HSPA4: variants seen among roughly 807,000 people sequenced by gnomAD.
HSPA4 encodes the protein heat shock protein family A (Hsp70) member 4.
Under a neutral mutation model 106.2 loss-of-function variants are expected in HSPA4, and 25 were observed. The ratio of observed to expected loss-of-function variants is 0.24; its 90% confidence interval spans 0.17 to 0.33. The LOEUF (loss-of-function observed/expected upper bound fraction) is 0.33. Ranked by LOEUF, HSPA4 falls within the 10% of genes least tolerant of loss-of-function variation. The pLI, the probability that HSPA4 is intolerant of heterozygous loss-of-function variation, is 1.00. For synonymous variants in HSPA4, 332 were observed against 333.6 expected (o/e 1.00, Z 0.05); for missense variants, 841 against 996.0 (o/e 0.84, Z 2.10).
intron 16 of HSPA4, among the ~76,000 whole-genome samples, chr5:133,101,118 A>T (rs1050807359): frequency 1.3e-5 from 2 of 152,202 alleles, no homozygotes; most frequent in African/African-American, 4.8e-5. Flanking sequence ...GCACATCTTA[A>T]TATCACTGTT....
At chr5:133,078,745 T>C (rs955998330) in intron 7 of HSPA4, among the ~76,000 whole-genome samples, 1 of 152,062 alleles carries the variant, frequency 6.6e-6, no homozygotes, top group Non-Finnish European at 1.5e-5. Context: ...GTTGTTGTTA[T>C]TTTTTTGAGA....
chr5:133,078,688 TA>T (rs1276430896), intron 7 of HSPA4, among the ~76,000 whole-genome samples: 1 of 151,600 alleles, frequency 6.6e-6, no homozygotes, highest in Non-Finnish European at 1.5e-5. Context: ...TCAGAATACG[TA>T]GCTCTTATAT....
chr5:133,061,821 A>G (rs901325951), intron 1 of HSPA4, among the ~76,000 whole-genome samples: 3 of 152,112 alleles, frequency 2.0e-5, no homozygotes, highest in Admixed American at 2.0e-4. Context: ...TTTAGTAGAG[A>G]CAGAGTTTCG....
At position 133,065,014 on chromosome 5, in the gene HSPA4, A is replaced by G. The variant is rs1765290298; in HGVS notation, c.142A>G (p.Ile48Val). ...CISFGPKNRS[I>V]GAAAKSQVIS... Reference sequence around the variant, plus strand: ...TTCTTTTGGTCCTAAGAATCGTTCAATTGGAGCAGCAGCTAAAAGCCAGGT... The same window carrying G: ...TTCTTTTGGTCCTAAGAATCGTTCAGTTGGAGCAGCAGCTAAAAGCCAGGT... Residue 48 changes from isoleucine to valine, a missense_variant, in exon 2 of 19, where the codon ATT (isoleucine) becomes GTT (valine). Around this residue, in one of 5 missense-constraint regions of HSPA4, gnomAD observed 347 missense variants for 408.7 expected, o/e 0.85. Transcript: ENST00000304858. 3.7e-6 allele frequency: 6 copies of G among 1,614,094 alleles called. No homozygotes were observed. The highest frequency in any genetic ancestry group is 1.7e-4 in the Middle Eastern group (1 of 6,060).
At chr5:133,099,827 T>C (rs992080402) in intron 16 of HSPA4, among the ~76,000 whole-genome samples, 175 bp downstream of exon 16, 6 of 152,182 alleles carry the variant, frequency 3.9e-5, no homozygotes, top group African/African-American at 7.2e-5. Context: ...AACCTTGTAA[T>C]AACAAAATGA....
chr5:133,085,564 G>A (rs1315826793), intron 7 of HSPA4, among the ~76,000 whole-genome samples: 1 of 151,736 alleles, frequency 6.6e-6, no homozygotes, highest in Non-Finnish European at 1.5e-5. Context: ...GGAGGCTGAG[G>A]CAGGAGAATT....
rs202213017 is a variant in HSPA4, at chr5:133,102,009, C to G, written c.2157+131C>G. On this transcript the variant is annotated intron_variant, in intron 17 of 18. Coordinates refer to ENST00000304858, the MANE Select transcript of HSPA4 (RefSeq NM_002154.4). Reference sequence around the variant, plus strand: ...TGGTACAATCTCGGCTCAGTGCAACCTCCACCTCCTGGGTTTAAGCAATTC... The same window carrying G: ...TGGTACAATCTCGGCTCAGTGCAACGTCCACCTCCTGGGTTTAAGCAATTC... The G allele has an allele frequency of 1.7e-4, 98 of 573,238 alleles. 1 individual carries two copies. The East Asian group carries it at 3.0e-3, about 17-fold the overall frequency. The allele number at this position is 573,238 out of a possible 1,614,324, so 35.5% of individuals were successfully genotyped here. A position where few individuals can be genotyped will look rare whatever the true frequency, so the allele number is the denominator to read the frequency against.
intron 5 of HSPA4, among the ~76,000 whole-genome samples, chr5:133,073,743 G>A (rs1016263819): frequency 1.3e-5 from 2 of 152,152 alleles, no homozygotes; most frequent in Non-Finnish European, 2.9e-5. Flanking sequence ...GGAAAATGGG[G>A]GAAATGGCTT....
At chr5:133,072,737 A>ATG in intron 4 of HSPA4, among the ~76,000 whole-genome samples, 1 of 152,006 alleles carries the variant, frequency 6.6e-6, no homozygotes, top group Admixed American at 6.6e-5. Flanking sequence ...GGTCTGTCAC[A>ATG]TTGGTACCCT....
chr5:133,057,968 C>T (rs921531540), intron 1 of HSPA4, among the ~76,000 whole-genome samples: 4 of 152,120 alleles, frequency 2.6e-5, no homozygotes, highest in African/African-American at 9.7e-5. Flanking sequence ...ACCTAAAATA[C>T]CATGTTCAAA....
chr5:133,093,576 C>T (rs1468930679), intron 13 of HSPA4, among the ~76,000 whole-genome samples: 3 of 152,150 alleles, frequency 2.0e-5, no homozygotes, highest in East Asian at 2.0e-4. Context: ...CTGCAGCCCC[C>T]GCCTTCCAGG....
chr5:133,079,144 A>G (rs1186331509), intron 7 of HSPA4, among the ~76,000 whole-genome samples: 1 of 152,234 alleles, frequency 6.6e-6, no homozygotes, highest in Admixed American at 6.5e-5. Flanking sequence ...CTTGAGGTGA[A>G]ATTCAAGTAT....
chr5:133,053,391 G>C (rs977905526), intron 1 of HSPA4, among the ~76,000 whole-genome samples: 1 of 149,214 alleles, frequency 6.7e-6, no homozygotes, highest in Admixed American at 6.7e-5. Context: ...GCCCAGGCTG[G>C]AGTGCAGTGG....
chr5:133,092,806 GTTTTTTTTTTTTTTTT>G lies in HSPA4; in HGVS notation c.1650+34_1650+49del, dbSNP rs57230598. On this transcript the variant is annotated intron_variant, in intron 13 of 18. Coordinates refer to ENST00000304858, the MANE Select transcript of HSPA4 (RefSeq NM_002154.4). ...GAAATGGAGGTATGCATTGGGTGGT[GTTTTTTTTTTTTTTTT>G]TTTTTTTTTTTTTTTTGAGACAGAG... is the stretch of plus-strand genomic sequence containing the variant. The G allele has an allele frequency of 2.7e-4, 126 of 473,980 alleles. No individual in the cohort carries two copies. The highest frequency in any genetic ancestry group is 1.3e-3 in the Middle Eastern group (3 of 2,364). 29.4% of individuals were successfully genotyped at this position (473,980 alleles called of 1,614,324 possible). A position where few individuals can be genotyped will look rare whatever the true frequency, so the allele number is the denominator to read the frequency against.
chr5:133,093,987 G>A (rs1765681454), intron 13 of HSPA4, among the ~76,000 whole-genome samples: 1 of 152,152 alleles, frequency 6.6e-6, no homozygotes, highest in African/African-American at 2.4e-5. Context: ...CAGCCACCCA[G>A]GAGGCTGAGG....
rs1224731707 is a variant in HSPA4, at chr5:133,105,609, C to T, written c.*1173C>T. 1 of 152,100 alleles carries T rather than the reference C, an allele frequency of 6.6e-6. No homozygotes were observed. Among genetic ancestry groups the T allele is most frequent in the Non-Finnish European group, 1.5e-5 (1 of 68,022 alleles). 9.4% of individuals were successfully genotyped at this position (152,100 alleles called of 1,614,324 possible). ...CAGGAGTGAGGCATTTTGGAAACTC[C>T]AAGGGAAGCCTGTGTTTGAGGCCAG... On this transcript the variant is annotated 3_prime_UTR_variant, in exon 19 of 19. Transcript: ENST00000304858.
At chr5:133,056,835 C>G (rs6884969) in intron 1 of HSPA4, among the ~76,000 whole-genome samples, 3,451 of 152,242 alleles carry the variant, frequency 0.023, 131 homozygotes, top group African/African-American at 0.075. Context: ...TGTGATTTCT[C>G]TACTTCATTG....
chr5:133,057,934 T>C (rs1194281433), intron 1 of HSPA4, among the ~76,000 whole-genome samples: 1 of 152,224 alleles, frequency 6.6e-6, no homozygotes, highest in African/African-American at 2.4e-5. Context: ...TGAGTCCAAT[T>C]ATGGACAAGG....
chr5:133,070,344 A>C, intron 3 of HSPA4, 30 bp from the exon 4 acceptor site: 1 of 1,583,472 alleles, frequency 6.3e-7, no homozygotes, highest in South Asian at 1.2e-5. Context: ...AAATATAATA[A>C]GTCTAGGCCC....
Sources: gnomAD v4.1 joint callset for allele counts (sites outside exome capture counted in the v4.1 genomes callset) on GRCh38, gnomAD v4.1.1 for gene constraint, gnomAD v4.1.1 regional missense constraint, MANE v1.5 for transcripts, NCBI Gene and HGNC (gene_info 2026-07-23, HGNC 2026-07-21) for gene names.